AHNAK2: variants seen among roughly 807,000 people sequenced by gnomAD.
AHNAK2 encodes protein AHNAK2.
Under a neutral mutation model 30.7 loss-of-function variants are expected in AHNAK2, and 18 were observed. The ratio of observed to expected loss-of-function variants is 0.59; its 90% CI spans 0.41 to 0.87. The LOEUF is 0.87. Among genes scored for constraint, AHNAK2 ranks in the 40% least tolerant of loss-of-function variants. The pLI, the probability that AHNAK2 is intolerant of heterozygous loss-of-function variation, is 0.00. For missense variants in AHNAK2, 8,604 were observed against 7,373.0 expected (o/e 1.17, Z -6.11); for synonymous variants, 3,590 against 3,073.8 (o/e 1.17, Z -5.56).
At chr14:104,962,199 C>T (rs1313981498) in intron 1 of AHNAK2, among the ~76,000 whole-genome samples, 2 of 152,166 alleles carry the variant, frequency 1.3e-5, no homozygotes, top group African/African-American at 2.4e-5. Context: ...CTCCTGACAG[C>T]AGCCGGTGCA....
chr14:104,968,273 A>T (rs1899368128), intron 1 of AHNAK2, among the ~76,000 whole-genome samples: 1 of 152,144 alleles, frequency 6.6e-6, no homozygotes, highest in Non-Finnish European at 1.5e-5. Context: ...ACCACAGTGA[A>T]AGCCGCAGAG....
chr14:104,961,450 G>A (rs1899143054), intron 1 of AHNAK2, among the ~76,000 whole-genome samples: 1 of 151,140 alleles, frequency 6.6e-6, no homozygotes, highest in Non-Finnish European at 1.5e-5. Context: ...GGGGGGCGGA[G>A]CCTGCAGTGA....
chr14:104,977,145 C>T lies in AHNAK2; in HGVS notation c.55+1038G>A, dbSNP rs1367849320. Among the ~76,000 whole-genome samples, 3 of 152,312 alleles carry T rather than the reference C, an allele frequency of 2.0e-5. No homozygotes were observed. In the East Asian group the frequency reaches 5.8e-4, roughly 29 times the overall value. ...GGGCATGCCCAGGCCAGGGGCACCC[C>T]TCTCACCTGCAGCATTGTCGGCACC... On this transcript the variant is annotated intron_variant, in intron 1 of 6. Transcript: ENST00000333244.
At chr14:104,967,114 G>C (rs1164397713) in intron 1 of AHNAK2, among the ~76,000 whole-genome samples, 1 of 152,216 alleles carries the variant, frequency 6.6e-6, no homozygotes, top group South Asian at 2.1e-4. Context: ...CTGCCTCGGA[G>C]ACCGGGTGTC....
chr14:104,944,882 A>T lies in AHNAK2; in HGVS notation c.10569T>A (p.Ile3523=), dbSNP rs754011612. ...QGDLKATDLS[I]QPPSADLEVQ... ...CCTCCAGGTCAGCGGAAGGGGGCTG[A>T]ATGCTGAGGTCAGTGGCCTTGAGGT... Residue 3523 remains isoleucine (I), a synonymous_variant, in exon 7 of 7, where the codon ATT becomes ATA. Coordinates refer to ENST00000333244, the MANE Select transcript of AHNAK2 (RefSeq NM_138420.4). The T allele has an allele frequency of 2.3e-5, 37 of 1,612,678 alleles. No individual in the cohort carries two copies. Among genetic ancestry groups the T allele is most frequent in the South Asian group, 1.8e-4 (16 of 91,022 alleles).
chr14:104,965,274 G>A (rs548686631), intron 1 of AHNAK2, among the ~76,000 whole-genome samples: 2 of 151,884 alleles, frequency 1.3e-5, no homozygotes, highest in South Asian at 2.1e-4. Context: ...GGTGGCAGGC[G>A]CCTGTAATCC....
rs188487684 is a variant in AHNAK2, at chr14:104,950,606, G to A, written c.4845C>T (p.Pro1615=). ...LKGPKVEVTA[P]DVKMSLSSME... Reference sequence around the variant, plus strand: ...TGCTGGACAGAGACATCTTCACATCGGGGGCTGTCACTTCCACCTTGGGGC... The same window carrying A: ...TGCTGGACAGAGACATCTTCACATCAGGGGCTGTCACTTCCACCTTGGGGC... Residue 1615 remains proline, a synonymous_variant, in exon 7 of 7, where the codon CCC becomes CCT. Transcript: ENST00000333244. The A allele has an allele frequency of 6.7e-3, 10,590 of 1,585,840 alleles. 1,195 individuals are homozygous for A. The highest frequency in any genetic ancestry group is 0.065 in the African/African-American group (4,708 of 72,828).
rs903146649 is a variant in AHNAK2 at position 104,950,584 on chromosome 14, T to C, written c.4867A>G (p.Ser1623Gly). 1.9e-6 allele frequency: 3 copies of C among 1,587,148 alleles called. No individual in the cohort carries two copies. The African/African-American group carries it at 4.1e-5, about 22-fold the overall frequency. Residue 1623 changes from serine to glycine, a missense_variant, in exon 7 of 7, where the codon AGC (serine) becomes GGC (glycine). Physicochemically the swap from Ser to Gly is moderately conservative, Grantham distance 56. Coordinates refer to ENST00000333244, the MANE Select transcript of AHNAK2 (RefSeq NM_138420.4). ...GGGGCCTGGACGTCCACCTCCATGC[T>C]GGACAGAGACATCTTCACATCGGGG... ...TAPDVKMSLSSMEVDVQAPRA... is the reference protein window; with the variant it reads ...TAPDVKMSLSGMEVDVQAPRA...
chr14:104,944,048 G>A lies in AHNAK2; in HGVS notation c.11403C>T (p.Ser3801=). ...TCTTGAACTTGGGCATTTTGAATTTGCTGTCTTTGGCAGTCACATCCTTGT... is the reference window on the plus strand; with the variant it reads ...TCTTGAACTTGGGCATTTTGAATTTACTGTCTTTGGCAGTCACATCCTTGT... ...LADKDVTAKD[S]KFKMPKFKMP... is the part of the protein sequence containing the mutation. The change falls in exon 7 of 7, where the codon AGC becomes AGT. Residue 3801 remains serine, a synonymous_variant. Transcript: ENST00000333244. 6.2e-7 allele frequency: 1 copy of A among 1,613,128 alleles called. No individual in the cohort carries two copies.
chr14:104,977,093 G>T (rs1257754583), intron 1 of AHNAK2, among the ~76,000 whole-genome samples: 1 of 152,218 alleles, frequency 6.6e-6, no homozygotes, highest in East Asian at 1.9e-4. Flanking sequence ...CACAGGAGGG[G>T]CCTTGGTAGT....
intron 1 of AHNAK2, among the ~76,000 whole-genome samples, chr14:104,976,728 G>A (rs777289578): frequency 6.6e-6 from 1 of 152,198 alleles, no homozygotes; most frequent in Non-Finnish European, 1.5e-5. Flanking sequence ...GGGGGTGGAT[G>A]AGATGGTCCT....
At position 104,941,881 on chromosome 14, in the gene AHNAK2, C is replaced by T; in HGVS notation, c.13570G>A (p.Ala4524Thr). ...QAPSADLEVQAGQVDLKLPEG... is the reference protein window; with the variant it reads ...QAPSADLEVQTGQVDLKLPEG... ...GGAAGTTTCAAGTCCACCTGGCCAG[C>T]CTGGACCTCCAGGTCGGCGGAAGGG... Residue 4524 changes from alanine (A) to threonine (T), a missense_variant, in exon 7 of 7, where the codon GCT becomes ACT. Transcript: ENST00000333244. The T allele has an allele frequency of 6.2e-7, 1 of 1,613,556 alleles. No homozygotes were observed. The highest frequency in any genetic ancestry group is 1.1e-5 in the South Asian group (1 of 91,062).
chr14:104,955,669 G>T (rs559884667), intron 4 of AHNAK2, 36 bp from the exon 5 acceptor site: 1 of 1,600,320 alleles, frequency 6.2e-7, no homozygotes, highest in African/African-American at 1.3e-5. Flanking sequence ...TGGTGAGCAT[G>T]TGCCAGTCCC....
Position 104,949,716 on chromosome 14 carries a change from G to A in AHNAK2, c.5735C>T (p.Pro1912Leu). The part of the protein sequence containing the change: ...LKGHLPKVDM[P>L]SFKMPKVDLK... ...GTCCACTTTGGGCATCTTGAAACTG[G>A]GCATATCCACCTTGGGCAAGTGCCC... The change falls in exon 7 of 7, where the codon CCC (proline) becomes CTC (leucine). Residue 1912 changes from proline (P) to leucine (L), a missense_variant. Coordinates refer to ENST00000333244, the MANE Select transcript of AHNAK2 (RefSeq NM_138420.4). 6.3e-7 allele frequency: 1 copy of A among 1,586,978 alleles called. No homozygotes were observed. The highest frequency in any genetic ancestry group is 1.4e-5 in the African/African-American group (1 of 72,522).
rs776513750 is a variant in AHNAK2, at chr14:104,941,840, G to A, written c.13611C>T (p.Pro4537=). Residue 4537 remains proline, a synonymous_variant, in exon 7 of 7, where the codon CCC becomes CCT. Coordinates refer to ENST00000333244, the MANE Select transcript of AHNAK2 (RefSeq NM_138420.4). ...GGTGCCCTTTGAGGCCGGCTACCTC[G>A]GGCATGTGGCCTTCTGGAAGTTTCA... The part of the protein sequence containing the change: ...VDLKLPEGHM[P]EVAGLKGHLP... 2.4e-5 allele frequency: 38 copies of A among 1,611,780 alleles called. No homozygotes were observed. Among genetic ancestry groups the A allele is most frequent in the South Asian group, 2.1e-4 (19 of 90,912 alleles).
Position 104,966,259 on chromosome 14 carries a change from C to T in AHNAK2, c.56-8587G>A, listed in dbSNP as rs1899299830. On this transcript the variant is annotated intron_variant, in intron 1 of 6. Coordinates refer to ENST00000333244, the MANE Select transcript of AHNAK2 (RefSeq NM_138420.4). This position sits in a 1 kb window ranked among gnomAD's most constrained non-coding sequence, Gnocchi z 4.3. ...CTTCCTACTGCTCCGGGGGCCAGGC[C>T]CAGACCCCTGGCCTCCATAACCCCC... Among the ~76,000 whole-genome samples, 1 of 152,080 alleles carries T rather than the reference C, an allele frequency of 6.6e-6. No individual in the cohort carries two copies. Among genetic ancestry groups the T allele is most frequent in the Admixed American group, 6.5e-5 (1 of 15,280 alleles).
chr14:104,943,331 G>A lies in AHNAK2; in HGVS notation c.12120C>T (p.Pro4040=), dbSNP rs376412318. ...GQVDVKLPEG[P]VPEGASLKGH... ...CTTTGAGGCTGGCTCCCTCGGGCAC[G>A]GGGCCCTCTGGGAGTTTCACGTCCA... Residue 4040 remains proline (P), a synonymous_variant, in exon 7 of 7, where the codon CCC becomes CCT. Coordinates refer to ENST00000333244, the MANE Select transcript of AHNAK2 (RefSeq NM_138420.4). 838 of 1,612,656 alleles carry A rather than the reference G, an allele frequency of 5.2e-4. No homozygotes were observed. The African/African-American group carries it at 8.4e-3, about 16-fold the overall frequency.
rs537160795 is a variant in AHNAK2, at chr14:104,939,240, T to A, written c.16211A>T (p.Asp5404Val). 94 of 1,613,890 alleles carry A rather than the reference T, an allele frequency of 5.8e-5. 1 individual carries two copies. In the South Asian group the frequency reaches 8.8e-4, roughly 15 times the overall value. ...TTCCCTCACAGTGGGGATGAACACATCATCCTCTGAGCTGGGGGCAGGGAA... is the reference window on the plus strand; with the variant it reads ...TTCCCTCACAGTGGGGATGAACACAACATCCTCTGAGCTGGGGGCAGGGAA... ...FSFPAPSSED[D>V]VFIPTVREVQ... The change falls in exon 7 of 7, where the codon GAT becomes GTT. Residue 5404 changes from aspartate to valine, a missense_variant. Asp to Val is a radical substitution (Grantham distance 152, BLOSUM62 -3). Coordinates refer to ENST00000333244, the MANE Select transcript of AHNAK2 (RefSeq NM_138420.4).
rs373616638 is a variant in AHNAK2, at chr14:104,944,182, C to T, written c.11269G>A (p.Val3757Ile). The change falls in exon 7 of 7, where the codon GTC becomes ATC. Residue 3757 changes from valine to isoleucine, a missense_variant. Val to Ile is a conservative substitution (Grantham distance 29). Coordinates refer to ENST00000333244, the MANE Select transcript of AHNAK2 (RefSeq NM_138420.4). ...GACACCTCCACATCAGGGGCTGTGA[C>T]TTCCGCCTTGGAGACTTTTAGGTCC... The part of the protein sequence containing the change: ...KLDLKVSKAE[V>I]TAPDVEVSLP... The T allele has an allele frequency of 1.9e-6, 3 of 1,613,286 alleles. No homozygotes were observed. The highest frequency in any genetic ancestry group is 2.5e-6 in the Non-Finnish European group (3 of 1,179,724).
Sources: allele counts gnomAD v4.1 joint callset (sites outside exome capture counted in the v4.1 genomes callset), GRCh38; gene constraint gnomAD v4.1.1; non-coding constraint Gnocchi (gnomAD v3.1); transcripts MANE v1.5; gene names NCBI Gene and HGNC (gene_info 2026-07-23, HGNC 2026-07-21).